Variants in CCL28 observed in about 807,000 individuals in gnomAD.
CCL28 encodes C-C motif chemokine ligand 28, also known as C-C motif chemokine 28.
A neutral mutation model predicts 7.1 loss-of-function variants in CCL28; 4 were observed. The ratio of observed to expected loss-of-function variants is 0.56; its 90% CI spans 0.28 to 1.29. CCL28 has a LOEUF of 1.29. CCL28 is among the 50% of genes most tolerant of loss of function. The pLI is 0.11. For missense variants in CCL28, 151 were observed against 163.4 expected, an observed-to-expected ratio of 0.92 and a Z score of 0.41; for synonymous variants, 55 against 57.8, an observed-to-expected ratio of 0.95 and a Z score of 0.22.
chr5:43,409,845 G>A (rs553453988), intron 1 of CCL28, among the ~76,000 whole-genome samples: 2 of 152,192 alleles, frequency 1.3e-5, no homozygotes, highest in Non-Finnish European at 2.9e-5. Context: ...CACCGAAACA[G>A]GATGATAGAC....
At chr5:43,376,073 A>G (rs1361293601), downstream of CCL28, among the ~76,000 whole-genome samples, 2 of 152,198 alleles carry the variant, frequency 1.3e-5, no homozygotes, top group Non-Finnish European at 2.9e-5. Context: ...AGTCACTATC[A>G]CATGGATAAT....
chr5:43,374,971 T>C (rs935439291), downstream of CCL28, among the ~76,000 whole-genome samples: 2 of 152,102 alleles, frequency 1.3e-5, no homozygotes, highest in African/African-American at 2.4e-5. Flanking sequence ...AAATCCATTT[T>C]CTACAAAATG....
chr5:43,399,893 T>G (rs923071953), intron 1 of CCL28, among the ~76,000 whole-genome samples: 2 of 151,718 alleles, frequency 1.3e-5, no homozygotes, highest in Non-Finnish European at 2.9e-5. Context: ...TTGCCCAGGC[T>G]GGAGCGCAAT....
downstream of CCL28, among the ~76,000 whole-genome samples, chr5:43,377,878 G>A (rs1238202047): frequency 2.7e-5 from 4 of 147,916 alleles, no homozygotes; most frequent in Non-Finnish European, 6.0e-5. Context: ...GACTACAGGC[G>A]CCCGCCACTA....
At chr5:43,375,361 C>CA (rs56103146), downstream of CCL28, among the ~76,000 whole-genome samples, 161 of 45,478 alleles carry the variant, frequency 3.5e-3, 6 homozygotes, top group East Asian at 0.016. Context: ...GACTCTGTCT[C>CA]AAAAAAAAAA....
At chr5:43,387,463 CA>C (rs1359858212) in intron 2 of CCL28, among the ~76,000 whole-genome samples, 3 of 152,166 alleles carry the variant, frequency 2.0e-5, no homozygotes, top group Admixed American at 1.3e-4. Context: ...ATAACTGAGC[CA>C]GGGGCAGGGG....
chr5:43,365,509 GT>G, the CCL28 span, among the ~76,000 whole-genome samples: 1 of 152,020 alleles, frequency 6.6e-6, no homozygotes, highest in Non-Finnish European at 1.5e-5. Context: ...TGGTATTGTT[GT>G]TTTTTTCTCC....
At chr5:43,396,783 A>G (rs913043105) in intron 1 of CCL28, among the ~76,000 whole-genome samples, 4 of 152,188 alleles carry the variant, frequency 2.6e-5, no homozygotes, top group African/African-American at 9.6e-5. Flanking sequence ...GAAAGAACGA[A>G]AAAAGAAAAG....
chr5:43,388,765 G>A (rs1296727895), intron 1 of CCL28, among the ~76,000 whole-genome samples: 3 of 152,164 alleles, frequency 2.0e-5, no homozygotes, highest in African/African-American at 7.2e-5. Flanking sequence ...AAGATGAAAG[G>A]AGTGAGGTCA....
At chr5:43,410,468 GC>G (rs1270848229) in intron 1 of CCL28, among the ~76,000 whole-genome samples, 1 of 152,176 alleles carries the variant, frequency 6.6e-6, no homozygotes, top group Non-Finnish European at 1.5e-5. Context: ...AACCCAAAAG[GC>G]TATTGCTGGG....
At chr5:43,374,467 G>C (rs1739843238), downstream of CCL28, among the ~76,000 whole-genome samples, 1 of 152,160 alleles carries the variant, frequency 6.6e-6, no homozygotes, top group Non-Finnish European at 1.5e-5. Context: ...ATATACCATA[G>C]TTCTATTTAT....
chr5:43,360,823 T>G, the CCL28 span, among the ~76,000 whole-genome samples: 2 of 150,526 alleles, frequency 1.3e-5, no homozygotes, highest in African/African-American at 5.0e-5. Context: ...TATGAGACCT[T>G]TTTTTCTTCA....
the CCL28 span, among the ~76,000 whole-genome samples, chr5:43,361,678 A>T: frequency 1.3e-5 from 2 of 152,150 alleles, no homozygotes; most frequent in Non-Finnish European, 2.9e-5. Flanking sequence ...TGGTGTAAAG[A>T]AGGGGTCTAG....
chr5:43,411,837 C>G (rs1741545410), intron 1 of CCL28, among the ~76,000 whole-genome samples: 1 of 152,292 alleles, frequency 6.6e-6, no homozygotes, highest in Non-Finnish European at 1.5e-5. Flanking sequence ...CGCAGCTGGC[C>G]AAGTCTGTAT....
intron 1 of CCL28, among the ~76,000 whole-genome samples, chr5:43,403,047 G>A (rs1334561685): frequency 6.6e-6 from 1 of 152,216 alleles, no homozygotes; most frequent in Non-Finnish European, 1.5e-5. Flanking sequence ...TGCAGCTCAA[G>A]GAGGCCTGCC....
At chr5:43,407,387 T>C (rs1741329188) in intron 1 of CCL28, among the ~76,000 whole-genome samples, 3 of 152,154 alleles carry the variant, frequency 2.0e-5, no homozygotes, top group Non-Finnish European at 4.4e-5. Flanking sequence ...AAATAAGAAA[T>C]GGGGAAAGGA....
downstream of CCL28, among the ~76,000 whole-genome samples, chr5:43,377,717 CTTTTTTTTTTTT>C (rs767834184): frequency 9.9e-3 from 424 of 42,682 alleles, 3 homozygotes; most frequent in African/African-American, 0.03. Context: ...AGAACTTAAA[CTTTTTTTTTTTT>C]TTTTTTTTTT....
intron 1 of CCL28, among the ~76,000 whole-genome samples, chr5:43,411,567 T>A (rs756899627): frequency 3.3e-5 from 5 of 152,124 alleles, no homozygotes; most frequent in Non-Finnish European, 7.4e-5. Flanking sequence ...CAGATGGGGT[T>A]TTACTATGTT....
chr5:43,388,010 C>A, intron 2 of CCL28: 1 of 187,190 alleles, frequency 5.3e-6, no homozygotes, highest in Non-Finnish European at 1.1e-5. Flanking sequence ...AGGTTAAAAG[C>A]CATGAAATAT....
Sources: gnomAD v4.1 joint callset for allele counts (sites outside exome capture counted in the v4.1 genomes callset) on GRCh38, gnomAD v4.1.1 for gene constraint, MANE v1.5 for transcripts, NCBI Gene and HGNC (gene_info 2026-07-23, HGNC 2026-07-21) for gene names.